Variants in PDE2A observed in about 807,000 individuals in gnomAD.
PDE2A encodes phosphodiesterase 2A.
In PDE2A, 53 loss-of-function variants were observed where a neutral mutation model predicts 133.6. That is an observed-to-expected ratio of 0.40 (90% CI 0.32 to 0.50). The LOEUF (loss-of-function observed/expected upper bound fraction) is 0.50. PDE2A is among the 20% of genes least tolerant of loss of function. The pLI, the probability that PDE2A is intolerant of heterozygous loss-of-function variation, is 0.73. For synonymous variants in PDE2A, 491 were observed against 490.2 expected (o/e 1.00, Z -0.02); for missense variants, 796 against 1,232.4 (o/e 0.65, Z 5.30).
intron 1 of PDE2A, chr11:72,668,919 C>T: frequency 9.7e-7 from 1 of 1,030,316 alleles, no homozygotes; most frequent in Non-Finnish European, 1.2e-6. Context: ...CAGCCCTGAG[C>T]TCCTAGCTCT....
intron 4 of PDE2A, among the ~76,000 whole-genome samples, chr11:72,600,413 C>T (rs973333758): frequency 1.3e-5 from 2 of 152,110 alleles, no homozygotes; most frequent in Admixed American, 6.5e-5. Context: ...TAGGCAGCCT[C>T]GGCACCTTGC....
chr11:72,584,178 C>A, intron 19 of PDE2A, 23 bp downstream of exon 19: 2 of 1,249,540 alleles, frequency 1.6e-6, no homozygotes, highest in South Asian at 2.5e-5. Context: ...CACCCCACAC[C>A]CCACTCCCAA....
At chr11:72,669,038 G>A (rs1284690001) in intron 1 of PDE2A, 19 of 844,760 alleles carry the variant, frequency 2.2e-5, no homozygotes, top group Non-Finnish European at 2.6e-5. Context: ...CATGCCAGGG[G>A]CTAAGCTCTG....
intron 19 of PDE2A, among the ~76,000 whole-genome samples, chr11:72,583,751 C>G (rs989053802): frequency 6.6e-6 from 1 of 152,140 alleles, no homozygotes; most frequent in Admixed American, 6.5e-5. Context: ...TTTGCACTCC[C>G]CCACACCTGA....
chr11:72,619,638 A>T (rs751399682), intron 2 of PDE2A, among the ~76,000 whole-genome samples: 2 of 152,184 alleles, frequency 1.3e-5, no homozygotes, highest in Non-Finnish European at 2.9e-5. Context: ...ACAGTGGTAT[A>T]GTCAGTATGT....
At chr11:72,595,800 T>G (rs1856454043) in intron 6 of PDE2A, among the ~76,000 whole-genome samples, 1 of 151,970 alleles carries the variant, frequency 6.6e-6, no homozygotes, top group South Asian at 2.1e-4. Flanking sequence ...CCCACCTCCA[T>G]ACAGGAGAAG....
chr11:72,629,170 T>C (rs551929666), intron 2 of PDE2A, among the ~76,000 whole-genome samples: 15 of 152,066 alleles, frequency 9.9e-5, no homozygotes, highest in South Asian at 8.3e-4. Flanking sequence ...AATACAGGGA[T>C]AGGAGCAGGT....
chr11:72,616,250 C>T lies in PDE2A; in HGVS notation c.145-7499G>A, dbSNP rs564872652. ...GGAGTGATCTCCCTTCTCTGGATCC[C>T]CTCCAGGGAGAGTCTGTTGTTGTTC... On this transcript the variant is annotated intron_variant, in intron 2 of 30. Coordinates refer to ENST00000334456, the MANE Select transcript of PDE2A (RefSeq NM_002599.5). Among the ~76,000 whole-genome samples, 33 of 152,286 alleles carry T rather than the reference C, an allele frequency of 2.2e-4. No homozygotes were observed. In the South Asian group the frequency reaches 3.5e-3, roughly 16 times the overall value.
At chr11:72,606,761 C>T (rs1044855759) in intron 3 of PDE2A, among the ~76,000 whole-genome samples, 1 of 152,146 alleles carries the variant, frequency 6.6e-6, no homozygotes, top group African/African-American at 2.4e-5. Flanking sequence ...CGGGGTTACA[C>T]AGAAAGTCCT....
At chr11:72,625,620 C>T (rs962321751) in intron 2 of PDE2A, among the ~76,000 whole-genome samples, 3 of 152,076 alleles carry the variant, frequency 2.0e-5, no homozygotes, top group Admixed American at 6.5e-5. Context: ...ACAGGATGGA[C>T]CAGGAAGAAG....
chr11:72,631,101 C>T, intron 2 of PDE2A: 1 of 1,548,880 alleles, frequency 6.5e-7, no homozygotes, highest in South Asian at 1.2e-5. Context: ...TCTCTACTCC[C>T]TGGGGGTCCT....
chr11:72,623,294 C>A (rs1857871398), intron 2 of PDE2A, among the ~76,000 whole-genome samples: 1 of 152,072 alleles, frequency 6.6e-6, no homozygotes, highest in Non-Finnish European at 1.5e-5. Context: ...CCCACTTGAG[C>A]CTCTTTCCTC....
intron 1 of PDE2A, among the ~76,000 whole-genome samples, chr11:72,669,873 G>A (rs1205807411): frequency 1.3e-5 from 2 of 152,116 alleles, no homozygotes; most frequent in African/African-American, 4.8e-5. Flanking sequence ...AGCAAGGCTG[G>A]GTCCCTCAGC....
chr11:72,658,689 C>G (rs753590692), intron 1 of PDE2A, among the ~76,000 whole-genome samples: 1 of 152,014 alleles, frequency 6.6e-6, no homozygotes, highest in Non-Finnish European at 1.5e-5. Flanking sequence ...TTTTTTGGAG[C>G]AGGAGAATGG....
At chr11:72,655,208 A>C (rs1854860390) in intron 1 of PDE2A, among the ~76,000 whole-genome samples, 1 of 152,144 alleles carries the variant, frequency 6.6e-6, no homozygotes, top group South Asian at 2.1e-4. Flanking sequence ...CCGTGGCGCC[A>C]CACTCCCCTG....
intron 6 of PDE2A, 73 bp from the exon 7 acceptor site, chr11:72,591,429 G>A: frequency 8.8e-7 from 1 of 1,137,776 alleles, no homozygotes; most frequent in Non-Finnish European, 1.3e-6. Flanking sequence ...CCCTCCCCAT[G>A]CGCAGCACAC....
intron 13 of PDE2A, among the ~76,000 whole-genome samples, chr11:72,588,533 C>T (rs184797579): frequency 2.0e-5 from 3 of 152,306 alleles, no homozygotes; most frequent in Admixed American, 2.0e-4. Context: ...AATGCAAAAA[C>T]AGGGATGGCA....
intron 1 of PDE2A, among the ~76,000 whole-genome samples, chr11:72,662,069 G>A: frequency 6.6e-6 from 1 of 152,194 alleles, no homozygotes; most frequent in South Asian, 2.1e-4. Flanking sequence ...CCTATGCCTA[G>A]ATTGTGTCCG....
rs1040132349 is a variant in PDE2A at position 72,655,661 on chromosome 11, G to A, written c.72-13335C>T. 3.9e-5 allele frequency among the ~76,000 whole-genome samples: 6 copies of A among 152,188 alleles called. 1 individual carries two copies. Among genetic ancestry groups the A allele is most frequent in the Non-Finnish European group, 8.8e-5 (6 of 68,032 alleles). ...CCTATGCAAGTCACTTAACCTCTCTGAGCCTGAGTTTCTGTATCTCTACAG... is the reference window on the plus strand; with the variant it reads ...CCTATGCAAGTCACTTAACCTCTCTAAGCCTGAGTTTCTGTATCTCTACAG... On this transcript the variant is annotated intron_variant, in intron 1 of 30. Coordinates refer to ENST00000334456, the MANE Select transcript of PDE2A (RefSeq NM_002599.5).
Sources: allele counts gnomAD v4.1 joint callset (sites outside exome capture counted in the v4.1 genomes callset), GRCh38; gene constraint gnomAD v4.1.1; transcripts MANE v1.5; gene names NCBI Gene and HGNC (gene_info 2026-07-23, HGNC 2026-07-21).